Variants in TAFA5 observed in about 807,000 individuals in gnomAD.
TAFA5 encodes the protein chemokine-like protein TAFA-5.
In TAFA5, 6 loss-of-function variants were observed where a neutral mutation model predicts 15.3. The observed-to-expected ratio is 0.39, with a 90% CI of 0.21 to 0.77. TAFA5 has a LOEUF of 0.77. Ranked by LOEUF, TAFA5 falls within the 30% of genes least tolerant of loss-of-function variation. The pLI, the probability that TAFA5 is intolerant of heterozygous loss-of-function variation, is 0.41. For missense variants in TAFA5, 161 were observed against 193.1 expected (o/e 0.83, Z 0.98); for synonymous variants, 103 against 80.7 (o/e 1.28, Z -1.48).
At chr22:48,595,138 G>A (rs187567431) in intron 1 of TAFA5, among the ~76,000 whole-genome samples, 21 of 152,248 alleles carry the variant, frequency 1.4e-4, no homozygotes, top group Admixed American at 2.6e-4. Context: ...TGCTGTGCTC[G>A]TACCCCTGAG....
chr22:48,608,487 G>A (rs1233050853), intron 1 of TAFA5, among the ~76,000 whole-genome samples: 2 of 152,040 alleles, frequency 1.3e-5, no homozygotes, highest in Non-Finnish European at 2.9e-5. Flanking sequence ...TCCACTTGGG[G>A]CCACGTGGAT....
chr22:48,668,743 C>T (rs1487025227), intron 2 of TAFA5, among the ~76,000 whole-genome samples: 5 of 152,100 alleles, frequency 3.3e-5, no homozygotes, highest in South Asian at 2.1e-4. Context: ...CTCGGGGCCG[C>T]GTCTTCACTG....
Position 48,749,893 on chromosome 22 carries a change from G to T in TAFA5, c.*46G>T. ...CCCCGGGAGTGGCCTTGGCTCCCTG[G>T]AGAGCCCACGTCTCAGCCACAGTTC... On this transcript the variant is annotated 3_prime_UTR_variant, in exon 4 of 4. Coordinates refer to ENST00000402357, the MANE Select transcript of TAFA5 (RefSeq NM_001082967.3). The T allele has an allele frequency of 6.5e-7, 1 of 1,534,672 alleles. No homozygotes were observed. Among genetic ancestry groups the T allele is most frequent in the Non-Finnish European group, 8.8e-7 (1 of 1,132,360 alleles).
At chr22:48,659,763 G>GT (rs199516420) in intron 2 of TAFA5, among the ~76,000 whole-genome samples, 131,767 of 152,140 alleles carry the variant, frequency 0.87, 57,513 homozygotes, top group East Asian at 1. Flanking sequence ...TGGCCTTTTT[G>GT]GTGGGGAACA....
chr22:48,544,435 G>C, intron 1 of TAFA5: 1 of 348,468 alleles, frequency 2.9e-6, no homozygotes. Context: ...GACTCCGTCA[G>C]CCCGTCCCTC....
chr22:48,646,966 G>A (rs1436202653), intron 2 of TAFA5, among the ~76,000 whole-genome samples: 1 of 152,168 alleles, frequency 6.6e-6, no homozygotes, highest in African/African-American at 2.4e-5. Context: ...GGAGTGGTCG[G>A]GGAGATGCCG....
chr22:48,643,256 G>A (rs1330542042), intron 1 of TAFA5, among the ~76,000 whole-genome samples: 7 of 152,058 alleles, frequency 4.6e-5, no homozygotes, highest in Admixed American at 2.6e-4. Context: ...TCGCTGTGGC[G>A]ATCTGTTACG....
intron 1 of TAFA5, among the ~76,000 whole-genome samples, chr22:48,630,621 G>T (rs1926186683): frequency 6.6e-6 from 1 of 152,180 alleles, no homozygotes; most frequent in Admixed American, 6.5e-5. Context: ...GCTAATGATG[G>T]AAGTCTGTGC....
At chr22:48,565,078 T>C (rs1601582718) in intron 1 of TAFA5, among the ~76,000 whole-genome samples, 1 of 152,162 alleles carries the variant, frequency 6.6e-6, no homozygotes, top group East Asian at 1.9e-4. Flanking sequence ...CTCATGGCCG[T>C]GGTGGGGCTG....
At chr22:48,662,934 T>C (rs1927495504) in intron 2 of TAFA5, among the ~76,000 whole-genome samples, 1 of 152,084 alleles carries the variant, frequency 6.6e-6, no homozygotes, top group Admixed American at 6.5e-5. Context: ...GCCCGAGAGG[T>C]GAATAAAGGT....
At chr22:48,656,755 CTTTTTT>C (rs1223042941) in intron 2 of TAFA5, among the ~76,000 whole-genome samples, 1 of 14,884 alleles carries the variant, frequency 6.7e-5, no homozygotes, top group East Asian at 2.6e-3. Flanking sequence ...GATGGAGTCT[CTTTTTT>C]TTTTTTTTTT....
chr22:48,605,438 G>GTAATGGTGATGA, intron 1 of TAFA5, among the ~76,000 whole-genome samples: 1 of 148,278 alleles, frequency 6.7e-6, no homozygotes, highest in Non-Finnish European at 1.5e-5. Context: ...GGTGGTGGTG[G>GTAATGGTGATGA]TGGTGGTGAT....
intron 1 of TAFA5, among the ~76,000 whole-genome samples, chr22:48,583,333 C>G (rs1471374463): frequency 6.8e-6 from 1 of 147,924 alleles, no homozygotes; most frequent in Admixed American, 6.7e-5. Context: ...ACAAAATACG[C>G]ACACCAGTGC....
At chr22:48,726,926 A>G (rs1929733062) in intron 3 of TAFA5, among the ~76,000 whole-genome samples, 1 of 152,176 alleles carries the variant, frequency 6.6e-6, no homozygotes, top group African/African-American at 2.4e-5. Context: ...CAAGGAGTGT[A>G]TCTCCAGGTT....
At chr22:48,632,155 G>A (rs1926253364) in intron 1 of TAFA5, among the ~76,000 whole-genome samples, 1 of 152,148 alleles carries the variant, frequency 6.6e-6, no homozygotes, top group Non-Finnish European at 1.5e-5. Context: ...TTTCCTGTGG[G>A]CCCAGGGAGA....
intron 1 of TAFA5, among the ~76,000 whole-genome samples, chr22:48,617,933 C>T (rs962855282): frequency 6.6e-6 from 1 of 152,156 alleles, no homozygotes; most frequent in African/African-American, 2.4e-5. Flanking sequence ...TCATGGTAAC[C>T]TCAGTTGTTA....
chr22:48,509,168 C>A (rs1210705660), intron 1 of TAFA5, among the ~76,000 whole-genome samples: 1 of 152,206 alleles, frequency 6.6e-6, no homozygotes, highest in Non-Finnish European at 1.5e-5. Context: ...CTGAATACTA[C>A]TCCAGTGTGT....
chr22:48,746,101 G>C (rs1930321449), intron 3 of TAFA5, among the ~76,000 whole-genome samples: 1 of 152,080 alleles, frequency 6.6e-6, no homozygotes, highest in African/African-American at 2.4e-5. Flanking sequence ...AAGGGCGTGT[G>C]TCCCCAGGAT....
chr22:48,736,045 C>A (rs132260), intron 3 of TAFA5, among the ~76,000 whole-genome samples: 108 of 18,918 alleles, frequency 5.7e-3, no homozygotes, highest in Non-Finnish European at 7.7e-3. Context: ...CCTAGGGTCC[C>A]TCCCCCCAGG....
Sources: gnomAD v4.1 joint callset for allele counts (sites outside exome capture counted in the v4.1 genomes callset) on GRCh38, gnomAD v4.1.1 for gene constraint, MANE v1.5 for transcripts, NCBI Gene and HGNC (gene_info 2026-07-23, HGNC 2026-07-21) for gene names.